The following SLMAP variants were observed in gnomAD, a reference collection of about 807,000 sequenced individuals.
SLMAP encodes the protein sarcolemmal membrane-associated protein.
A neutral mutation model predicts 128.8 loss-of-function variants in SLMAP; 44 were observed. That is an observed-to-expected ratio of 0.34 (90% CI 0.27 to 0.44). The LOEUF is 0.44. SLMAP is among the 20% of genes least tolerant of loss of function. The pLI, the probability that SLMAP is intolerant of heterozygous loss-of-function variation, is 1.00. For synonymous variants in SLMAP, 327 were observed against 348.8 expected, an observed-to-expected ratio of 0.94 and a Z score of 0.70; for missense variants, 787 against 985.3, an observed-to-expected ratio of 0.80 and a Z score of 2.69.
At chr3:57,925,797 A>T (rs1012510167) in intron 23 of SLMAP, 48 bp from the exon 24 acceptor site, 4 of 1,353,272 alleles carry the variant, frequency 3.0e-6, no homozygotes, top group African/African-American at 1.4e-5. Flanking sequence ...CTCTTATCTG[A>T]TTACTTTCAT....
chr3:57,841,404 G>A, intron 4 of SLMAP, 33 bp downstream of exon 4: 1 of 1,317,210 alleles, frequency 7.6e-7, no homozygotes. Context: ...AAGTTTTTGT[G>A]AAGTTTAGTA....
At chr3:57,856,615 T>C (rs2094804017) in intron 6 of SLMAP, among the ~76,000 whole-genome samples, 1 of 152,166 alleles carries the variant, frequency 6.6e-6, no homozygotes, top group South Asian at 2.1e-4. Flanking sequence ...AACAGTGCCT[T>C]CTTCTGGATA....
chr3:57,896,392 A>C (rs1319280606), intron 15 of SLMAP, 119 bp from the exon 16 acceptor site: 2 of 1,417,678 alleles, frequency 1.4e-6, no homozygotes, highest in Non-Finnish European at 1.8e-6. Flanking sequence ...CAGTGACCTG[A>C]CCTATTTTAA....
chr3:57,872,492 G>C (rs547997356), intron 14 of SLMAP, among the ~76,000 whole-genome samples: 1 of 151,968 alleles, frequency 6.6e-6, no homozygotes, highest in Non-Finnish European at 1.5e-5. Flanking sequence ...GGTGGCAGGC[G>C]CCTATAATCC....
intron 2 of SLMAP, among the ~76,000 whole-genome samples, chr3:57,827,849 G>T (rs1179027987): frequency 6.6e-6 from 1 of 152,202 alleles, no homozygotes; most frequent in Non-Finnish European, 1.5e-5. Flanking sequence ...GGATATTTCT[G>T]GTTTGAATTT....
chr3:57,922,745 G>T (rs2096940381), intron 22 of SLMAP, 144 bp from the exon 23 acceptor site: 2 of 735,334 alleles, frequency 2.7e-6, no homozygotes, highest in Non-Finnish European at 4.3e-6. Flanking sequence ...TCTTATGAGT[G>T]CAAGTTATTC....
At chr3:57,855,503 T>C (rs1197863015) in intron 6 of SLMAP, among the ~76,000 whole-genome samples, 2 of 152,028 alleles carry the variant, frequency 1.3e-5, no homozygotes, top group Non-Finnish European at 2.9e-5. Context: ...GGTAAGTGAA[T>C]GTGAAGGCCT....
chr3:57,915,164 G>A (rs976130869), intron 21 of SLMAP, among the ~76,000 whole-genome samples: 1 of 152,048 alleles, frequency 6.6e-6, no homozygotes, highest in Non-Finnish European at 1.5e-5. Flanking sequence ...CACTGCCCTC[G>A]GCCGAAAGTA....
At chr3:57,893,431 AAAAAGAAAG>A (rs1406924552) in intron 15 of SLMAP, among the ~76,000 whole-genome samples, 1 of 140,992 alleles carries the variant, frequency 7.1e-6, no homozygotes, top group African/African-American at 2.5e-5. Context: ...CTGAAAAATA[AAAAAGAAAG>A]AAAAGAAAAA....
At chr3:57,864,270 G>T (rs2095227121) in intron 10 of SLMAP, among the ~76,000 whole-genome samples, 1 of 152,072 alleles carries the variant, frequency 6.6e-6, no homozygotes. Context: ...AGCTGGGTAT[G>T]GTGGCGCATG....
intron 17 of SLMAP, among the ~76,000 whole-genome samples, chr3:57,907,279 A>G (rs1347041692): frequency 6.6e-6 from 1 of 152,124 alleles, no homozygotes; most frequent in Non-Finnish European, 1.5e-5. Context: ...CGCCTGCCTC[A>G]GCCTCCCAAA....
At chr3:57,786,592 T>G (rs1489941709) in intron 2 of SLMAP, among the ~76,000 whole-genome samples, 2 of 150,530 alleles carry the variant, frequency 1.3e-5, no homozygotes, top group African/African-American at 4.9e-5. Flanking sequence ...AGTCTCACTC[T>G]GTTATCCAGG....
At chr3:57,809,261 C>G (rs1318386724) in intron 2 of SLMAP, among the ~76,000 whole-genome samples, 1 of 152,240 alleles carries the variant, frequency 6.6e-6, no homozygotes, top group Admixed American at 6.5e-5. Flanking sequence ...AAAGGCCCCC[C>G]TGCCCTCGCA....
intron 3 of SLMAP, among the ~76,000 whole-genome samples, chr3:57,833,894 G>A (rs2093486125): frequency 6.6e-6 from 1 of 151,874 alleles, no homozygotes; most frequent in South Asian, 2.1e-4. Context: ...ATACAGCTGT[G>A]TCACCAGTTG....
At chr3:57,858,017 C>CAA (rs1457300619) in intron 7 of SLMAP, 71 bp from the exon 8 acceptor site, 6 of 1,075,528 alleles carry the variant, frequency 5.6e-6, no homozygotes, top group South Asian at 2.6e-5. Context: ...TTGTCAGTAG[C>CAA]AACCTTTTTT....
At chr3:57,813,287 G>A (rs181415100) in intron 2 of SLMAP, among the ~76,000 whole-genome samples, 516 of 152,014 alleles carry the variant, frequency 3.4e-3, no homozygotes, top group Non-Finnish European at 5.6e-3. Context: ...GTAGAGATGG[G>A]GTTTCACCAT....
intron 17 of SLMAP, chr3:57,901,567 A>T (rs567858019): frequency 3.3e-5 from 5 of 152,372 alleles, no homozygotes; most frequent in Non-Finnish European, 7.3e-5. Flanking sequence ...AGTTTGCAGG[A>T]CATACAAAGA....
At chr3:57,771,395 T>C (rs2080869554) in intron 2 of SLMAP, among the ~76,000 whole-genome samples, 1 of 152,158 alleles carries the variant, frequency 6.6e-6, no homozygotes, top group African/African-American at 2.4e-5. Context: ...CATGCCTAGC[T>C]AACTTTAAAA....
chr3:57,771,618 T>C (rs1379070612), intron 2 of SLMAP, among the ~76,000 whole-genome samples: 2 of 152,158 alleles, frequency 1.3e-5, no homozygotes, highest in African/African-American at 4.8e-5. Flanking sequence ...CCTTGAACTT[T>C]GGGCTCAAAT....
Sources: allele counts gnomAD v4.1 joint callset (sites outside exome capture counted in the v4.1 genomes callset), GRCh38; gene constraint gnomAD v4.1.1; transcripts MANE v1.5; gene names NCBI Gene and HGNC (gene_info 2026-07-23, HGNC 2026-07-21).